Variants in PPM1E observed in about 807,000 individuals in gnomAD.
PPM1E encodes protein phosphatase, Mg2+/Mn2+ dependent 1E.
A neutral mutation model predicts 65.9 loss-of-function variants in PPM1E; 20 were observed. The observed-to-expected ratio is 0.30, with a 90% CI of 0.21 to 0.44. The LOEUF is 0.44. PPM1E is among the 20% of genes least tolerant of loss of function. PPM1E has a pLI of 1.00. For synonymous variants in PPM1E, 352 were observed against 374.9 expected (o/e 0.94, Z 0.70); for missense variants, 713 against 953.1 (o/e 0.75, Z 3.32).
At chr17:58,959,309 CAA>C (rs71145509) in intron 2 of PPM1E, among the ~76,000 whole-genome samples, 133 of 57,114 alleles carry the variant, frequency 2.3e-3, no homozygotes, top group East Asian at 0.019. Flanking sequence ...GACTCCGTCT[CAA>C]AAAAAAAAAA....
At chr17:58,778,870 T>C (rs1252984152) in intron 1 of PPM1E, among the ~76,000 whole-genome samples, 1 of 149,380 alleles carries the variant, frequency 6.7e-6, no homozygotes, top group Non-Finnish European at 1.5e-5. Flanking sequence ...CCTTTAGGAA[T>C]AGTTTTCTCT....
At chr17:58,881,675 C>G (rs111534981) in intron 1 of PPM1E, among the ~76,000 whole-genome samples, 3,535 of 151,456 alleles carry the variant, frequency 0.023, 135 homozygotes, top group African/African-American at 0.081. Flanking sequence ...AAACAAAAAA[C>G]AAAAAACAAA....
At chr17:58,810,594 G>A (rs574279333) in intron 1 of PPM1E, among the ~76,000 whole-genome samples, 4 of 152,246 alleles carry the variant, frequency 2.6e-5, no homozygotes, top group South Asian at 2.1e-4. Flanking sequence ...TTCAAGTGCC[G>A]TCAGCCTAAT....
In PPM1E at chr17:58,965,778, G is replaced by A. The variant is rs1190577671; in HGVS notation, c.668G>A (p.Arg223His). ...CCSWVKDFPL[R>H]RRPQLYYETS... The stretch of plus-strand genomic sequence containing the variant: ...AGCTGGGTGAAAGACTTCCCCCTCC[G>A]CAGGAGACCCCAGCTTTATTATGAG... Residue 223 changes from arginine to histidine, a missense_variant, in exon 3 of 7, where the codon CGC (arginine) becomes CAC (histidine). Transcript: ENST00000308249. The A allele has an allele frequency of 8.1e-6, 13 of 1,613,934 alleles. No homozygotes were observed. Among genetic ancestry groups the A allele is most frequent in the East Asian group, 2.2e-5 (1 of 44,872 alleles).
chr17:58,961,535 C>T (rs1011933440), intron 2 of PPM1E, among the ~76,000 whole-genome samples: 2 of 152,132 alleles, frequency 1.3e-5, no homozygotes, highest in East Asian at 1.9e-4. Flanking sequence ...TAATAGACAG[C>T]GTGAACAAAG....
At chr17:58,812,655 G>T (rs1054801308) in intron 1 of PPM1E, among the ~76,000 whole-genome samples, 6 of 152,170 alleles carry the variant, frequency 3.9e-5, no homozygotes, top group African/African-American at 1.4e-4. Flanking sequence ...CTGGGTTCAA[G>T]CAATTCTCCT....
chr17:58,809,651 G>A (rs954153726), intron 1 of PPM1E, among the ~76,000 whole-genome samples: 1 of 152,106 alleles, frequency 6.6e-6, no homozygotes, highest in Non-Finnish European at 1.5e-5. Context: ...CCAAAGTGCT[G>A]GGATTACAGG....
chr17:58,843,735 A>G (rs1048149365), intron 1 of PPM1E, among the ~76,000 whole-genome samples: 3 of 151,882 alleles, frequency 2.0e-5, no homozygotes, highest in African/African-American at 7.3e-5. Context: ...GGAGGCTGAG[A>G]TGGGAGGATC....
rs138207802 is a variant in PPM1E, at chr17:58,980,343, G to A, written c.1580G>A (p.Arg527His). ...DDKENHGECK[R>H]PWPQHQCSAP... ...AAGGAGAATCATGGAGAGTGCAAACGCCCTTGGCCTCAGCACCAGTGCTCA... is the reference window on the plus strand; with the variant it reads ...AAGGAGAATCATGGAGAGTGCAAACACCCTTGGCCTCAGCACCAGTGCTCA... The change falls in exon 7 of 7, where the codon CGC becomes CAC. Residue 527 changes from arginine (R) to histidine (H), a missense_variant. This residue lies in a region of PPM1E where 286 missense variants were observed against 313.8 expected (regional missense o/e 0.91). Transcript: ENST00000308249. The surrounding 1 kb of genome is among the most constrained non-coding windows in gnomAD (Gnocchi z 4.7). 173 of 1,613,974 alleles carry A rather than the reference G, an allele frequency of 1.1e-4. No homozygotes were observed. Among genetic ancestry groups the A allele is most frequent in the Non-Finnish European group, 1.4e-4 (162 of 1,180,026 alleles).
At chr17:58,820,811 T>C (rs537679959) in intron 1 of PPM1E, among the ~76,000 whole-genome samples, 86 of 152,246 alleles carry the variant, frequency 5.6e-4, no homozygotes, top group Admixed American at 3.3e-3. Flanking sequence ...TAAAATAAAT[T>C]ACTTGTGGGA....
At chr17:58,781,094 A>G (rs1012005960) in intron 1 of PPM1E, among the ~76,000 whole-genome samples, 4 of 151,790 alleles carry the variant, frequency 2.6e-5, no homozygotes, top group South Asian at 2.1e-4. Context: ...GTATAATGGT[A>G]GATACTTTTT....
intron 1 of PPM1E, among the ~76,000 whole-genome samples, chr17:58,757,000 C>T (rs2049774775): frequency 6.6e-6 from 1 of 152,166 alleles, no homozygotes; most frequent in Admixed American, 6.6e-5. Context: ...ATGGTTATAC[C>T]GGCCCCGTAT....
intron 1 of PPM1E, among the ~76,000 whole-genome samples, chr17:58,782,405 G>GT (rs5821246): frequency 0.16 from 22,684 of 138,622 alleles, 2,104 homozygotes; most frequent in Non-Finnish European, 0.22. Flanking sequence ...TCAGGTTTTT[G>GT]TTTTTTTTTT....
At chr17:58,760,705 G>T (rs943381505) in intron 1 of PPM1E, among the ~76,000 whole-genome samples, 1 of 152,108 alleles carries the variant, frequency 6.6e-6, no homozygotes, top group East Asian at 1.9e-4. Context: ...CTATTGTAAG[G>T]GGTTAGGGTG....
intron 1 of PPM1E, among the ~76,000 whole-genome samples, chr17:58,893,185 A>T (rs1043880062): frequency 2.0e-5 from 3 of 152,250 alleles, no homozygotes; most frequent in Non-Finnish European, 4.4e-5. Context: ...ATTCATAATT[A>T]TCACAACTTG....
chr17:58,972,104 A>G, intron 4 of PPM1E, 28 bp from the exon 5 acceptor site: 1 of 1,588,666 alleles, frequency 6.3e-7, no homozygotes, highest in Non-Finnish European at 8.6e-7. Context: ...CTTTTCACTG[A>G]GTCTAGTTTT....
At chr17:58,825,559 T>TG (rs1438096816) in intron 1 of PPM1E, among the ~76,000 whole-genome samples, 3 of 152,090 alleles carry the variant, frequency 2.0e-5, no homozygotes, top group African/African-American at 7.2e-5. Context: ...CTCTGTTGTT[T>TG]TTTGTTGTTG....
At chr17:58,896,360 G>GGAT (rs900777348) in intron 1 of PPM1E, among the ~76,000 whole-genome samples, 2 of 152,082 alleles carry the variant, frequency 1.3e-5, no homozygotes, top group African/African-American at 4.8e-5. Flanking sequence ...TGAGGTGGGT[G>GGAT]GATCACCTGA....
chr17:58,924,341 A>G (rs1047274269), intron 1 of PPM1E, among the ~76,000 whole-genome samples: 15 of 152,088 alleles, frequency 9.9e-5, no homozygotes, highest in African/African-American at 3.6e-4. Flanking sequence ...TAGGTATACC[A>G]AATTTTTCTT....
Sources: allele counts gnomAD v4.1 joint callset (sites outside exome capture counted in the v4.1 genomes callset), GRCh38; gene constraint gnomAD v4.1.1; regional missense constraint gnomAD v4.1.1; non-coding constraint Gnocchi (gnomAD v3.1); transcripts MANE v1.5; gene names NCBI Gene and HGNC (gene_info 2026-07-23, HGNC 2026-07-21).